GIT2: variants seen among roughly 807,000 people sequenced by gnomAD.
GIT2 encodes the protein ARF GTPase-activating protein GIT2.
In GIT2, 32 loss-of-function variants were observed where a neutral mutation model predicts 100.3. That is an observed-to-expected ratio of 0.32 (90% CI 0.24 to 0.43). The LOEUF (loss-of-function observed/expected upper bound fraction) is 0.43, where lower values mean the gene tolerates loss of function less well. Among genes scored for constraint, GIT2 ranks in the 20% least tolerant of loss-of-function variants. GIT2 has a pLI of 1.00. For synonymous variants in GIT2, 353 were observed against 364.1 expected, an observed-to-expected ratio of 0.97 and a Z score of 0.35; for missense variants, 737 against 975.1, an observed-to-expected ratio of 0.76 and a Z score of 3.25.
upstream of GIT2, chr12:109,998,346 G>A (rs3759386): frequency 0.11 from 17,421 of 152,248 alleles, 2,283 homozygotes; most frequent in African/African-American, 0.32. Flanking sequence ...GATTAGGTTG[G>A]GATTCTTGAA....
Position 109,961,276 on chromosome 12 carries a change from G to A in GIT2, c.987+2C>T. 6.4e-7 allele frequency: 1 copy of A among 1,558,684 alleles called. No homozygotes were observed. Among genetic ancestry groups the A allele is most frequent in the Non-Finnish European group, 8.9e-7 (1 of 1,129,566 alleles). ...TATTCCTTTCCAAACTGAGCCACTTGCCTGATTTCGTGTTGATGAGTACTC... is the reference window on the plus strand; with the variant it reads ...TATTCCTTTCCAAACTGAGCCACTTACCTGATTTCGTGTTGATGAGTACTC... On this transcript the variant is annotated splice_donor_variant, in intron 11 of 19. Transcript: ENST00000355312. LOFTEE classifies it low-confidence loss of function (GC_TO_GT_DONOR).
chr12:109,973,628 GCTA>G (rs1437042349), intron 7 of GIT2, among the ~76,000 whole-genome samples: 2 of 151,436 alleles, frequency 1.3e-5, no homozygotes, highest in East Asian at 1.9e-4. Context: ...TTGATTTTTC[GCTA>G]CTGTTTCCTT....
At chr12:109,960,096 C>T (rs1436817656) in intron 11 of GIT2, 138 bp from the exon 12 acceptor site, 2 of 643,900 alleles carry the variant, frequency 3.1e-6, no homozygotes, top group South Asian at 1.9e-5. Context: ...TTAATCCCAG[C>T]CATAATCAAA....
intron 9 of GIT2, among the ~76,000 whole-genome samples, chr12:109,963,415 C>G (rs569692729): frequency 1.3e-5 from 2 of 152,310 alleles, no homozygotes; most frequent in South Asian, 4.1e-4. Context: ...ATGGCCAACG[C>G]TGATTATGGG....
intron 8 of GIT2, among the ~76,000 whole-genome samples, chr12:109,966,087 C>T (rs914335211): frequency 4.6e-5 from 7 of 151,368 alleles, no homozygotes; most frequent in Admixed American, 3.9e-4. Context: ...TCTCTGCCAC[C>T]AGGGTTTAAG....
intron 2 of GIT2, 38 bp downstream of exon 2, chr12:109,991,589 G>A (rs376143025): frequency 3.7e-5 from 58 of 1,564,840 alleles, no homozygotes; most frequent in Non-Finnish European, 4.7e-5. Context: ...GCCCTAAAAT[G>A]TAAATTACCA....
Position 109,988,976 on chromosome 12 carries a change from T to G in GIT2, c.392A>C (p.Lys131Thr). 1 of 1,594,936 alleles carries G rather than the reference T, an allele frequency of 6.3e-7. No homozygotes were observed. Among genetic ancestry groups the G allele is most frequent in the South Asian group, 1.1e-5 (1 of 90,696 alleles). The part of the protein sequence containing the change: ...PCRDDDSVTA[K>T]DLSKQLHSSV... Reference sequence around the variant, plus strand: ...GGTGTGACCCACCTTGCTAAGATCTTTGGCAGTCACACTATCGTCATCCCG... The same window carrying G: ...GGTGTGACCCACCTTGCTAAGATCTGTGGCAGTCACACTATCGTCATCCCG... Residue 131 changes from lysine (K) to threonine (T), a missense_variant, in exon 4 of 20, where the codon AAA becomes ACA. By Grantham distance (78) the Lys-to-Thr change is moderately conservative. Coordinates refer to ENST00000355312, the MANE Select transcript of GIT2 (RefSeq NM_057169.5).
intron 9 of GIT2, 77 bp downstream of exon 9, chr12:109,965,449 A>G (rs1450217799): frequency 2.5e-6 from 2 of 797,594 alleles, no homozygotes; most frequent in African/African-American, 3.4e-5. Flanking sequence ...CGCAATAGGT[A>G]ACCTGCATTC....
chr12:109,966,561 T>TATATC (rs1174419638), intron 8 of GIT2, among the ~76,000 whole-genome samples: 5 of 147,510 alleles, frequency 3.4e-5, no homozygotes, highest in African/African-American at 1.0e-4. Flanking sequence ...CCAGATATAG[T>TATATC]TGCTCATAGG....
At chr12:109,984,282 C>T (rs760606532) in intron 4 of GIT2, among the ~76,000 whole-genome samples, 19 of 151,810 alleles carry the variant, frequency 1.3e-4, no homozygotes, top group Non-Finnish European at 1.3e-4. Flanking sequence ...TGGTGGCATG[C>T]GCACCTGTAG....
At chr12:109,954,632 C>T (rs1475044303) in intron 12 of GIT2, 1 of 152,154 alleles carries the variant, frequency 6.6e-6, no homozygotes, top group Non-Finnish European at 1.5e-5. Flanking sequence ...GGCGCAGGGG[C>T]TCACATCCGT....
Position 109,948,767 on chromosome 12 carries a change from T to C in GIT2, c.1393-1263A>G. On this transcript the variant is annotated intron_variant, in intron 14 of 19. Transcript: ENST00000355312. This position sits in a 1 kb window ranked among gnomAD's most constrained non-coding sequence, Gnocchi z 4.3. Reference sequence around the variant, plus strand: ...CAATGTTAGGAGTTACTTTCAATTTTTATTTAGAAAGCACCAATCTGTGAA... The same window carrying C: ...CAATGTTAGGAGTTACTTTCAATTTCTATTTAGAAAGCACCAATCTGTGAA... 6.3e-7 allele frequency: 1 copy of C among 1,578,246 alleles called. No homozygotes were observed. Among genetic ancestry groups the C allele is most frequent in the South Asian group, 1.2e-5 (1 of 84,558 alleles).
In GIT2 at chr12:109,934,302, A is replaced by C. The variant is rs573902552; in HGVS notation, c.2004-217T>G. On this transcript the variant is annotated intron_variant, in intron 18 of 19. Transcript: ENST00000355312. The surrounding 1 kb of genome is among the most constrained non-coding windows in gnomAD (Gnocchi z 4.5). ...ATCTGATGAAAAGTCTCCAGGTATG[A>C]AATATGGCAACATACACTCTTGGTC... 6.6e-6 allele frequency among the ~76,000 whole-genome samples: 1 copy of C among 152,338 alleles called. No homozygotes were observed. Among genetic ancestry groups the C allele is most frequent in the East Asian group, 1.9e-4 (1 of 5,184 alleles).
chr12:109,985,940 G>C (rs538697921), intron 4 of GIT2, among the ~76,000 whole-genome samples: 1 of 151,968 alleles, frequency 6.6e-6, no homozygotes, highest in African/African-American at 2.4e-5. Flanking sequence ...GCTGAGGTGG[G>C]AGAATCATTT....
rs779816105 is a variant in GIT2 at position 109,983,387 on chromosome 12, G to A, written c.609C>T (p.Pro203=). Residue 203 remains proline, a synonymous_variant, in exon 6 of 20, where the codon CCC becomes CCT. Transcript: ENST00000355312. ...AGGTCTCTTACCTTGCATAATCAAC[G>A]GGAGTTTTCCCACTAGAATCCTGTG... is the stretch of plus-strand genomic sequence containing the variant. ...PGTQDSSGKT[P]VDYARQGGHH... 72 of 1,613,390 alleles carry A rather than the reference G, an allele frequency of 4.5e-5. No individual in the cohort carries two copies. The highest frequency in any genetic ancestry group is 1.1e-4 in the East Asian group (5 of 44,892).
chr12:109,976,157 A>G (rs1303630624), intron 7 of GIT2, among the ~76,000 whole-genome samples: 1 of 151,754 alleles, frequency 6.6e-6, no homozygotes, highest in East Asian at 1.9e-4. Context: ...CAGTCTACTT[A>G]GAAATCCTAT....
In GIT2 at chr12:109,953,168, T is replaced by G; in HGVS notation, c.1166A>C (p.Gln389Pro). 6.2e-7 allele frequency: 1 copy of G among 1,613,994 alleles called. No individual in the cohort carries two copies. ...QHSVESQDND[Q>P]PDYDSVASDE... Reference sequence around the variant, plus strand: ...TGATGCCACGCTGTCATAGTCGGGCTGATCGTTGTCTTGACTCTCAACGCT... The same window carrying G: ...TGATGCCACGCTGTCATAGTCGGGCGGATCGTTGTCTTGACTCTCAACGCT... The change falls in exon 13 of 20, where the codon CAG (glutamine) becomes CCG (proline). Residue 389 changes from glutamine (Q) to proline (P), a missense_variant. By Grantham distance (76) the Gln-to-Pro change is moderately conservative. This residue lies in a region of GIT2 where 451 missense variants were observed against 543.7 expected (regional missense o/e 0.83). Transcript: ENST00000355312.
At chr12:109,979,420 C>T (rs1283080465) in intron 7 of GIT2, among the ~76,000 whole-genome samples, 1 of 151,712 alleles carries the variant, frequency 6.6e-6, no homozygotes, top group African/African-American at 2.4e-5. Flanking sequence ...CTATAGGCGC[C>T]TGCCACCATG....
At chr12:109,990,213 T>C (rs1365900458) in intron 2 of GIT2, among the ~76,000 whole-genome samples, 4 of 152,224 alleles carry the variant, frequency 2.6e-5, no homozygotes, top group African/African-American at 9.6e-5. Flanking sequence ...TAGTTATAGC[T>C]TTCCCATACA....
Sources: allele counts gnomAD v4.1 joint callset (sites outside exome capture counted in the v4.1 genomes callset), GRCh38; gene constraint gnomAD v4.1.1; regional missense constraint gnomAD v4.1.1; non-coding constraint Gnocchi (gnomAD v3.1); transcripts MANE v1.5; gene names NCBI Gene and HGNC (gene_info 2026-07-23, HGNC 2026-07-21).